Variants in DYRK4 observed in about 807,000 individuals in gnomAD.
The protein encoded by DYRK4 is dual specificity tyrosine phosphorylation regulated kinase 4.
In DYRK4, 64 loss-of-function variants were observed where a neutral mutation model predicts 68.3. The observed-to-expected ratio is 0.94, with a 90% CI of 0.77 to 1.15. The LOEUF (loss-of-function observed/expected upper bound fraction) is 1.15. Among genes scored for constraint, DYRK4 ranks in the 50% most tolerant of loss-of-function variants. The pLI is 0.00. For synonymous variants in DYRK4, 274 were observed against 289.9 expected (o/e 0.95, Z 0.56); for missense variants, 740 against 764.7 (o/e 0.97, Z 0.38).
chr12:4,603,345 ACC>A, intron 10 of DYRK4: 1 of 542,144 alleles, frequency 1.8e-6, no homozygotes, highest in Non-Finnish European at 3.3e-6. Flanking sequence ...TCATTAGTTA[ACC>A]CCTCCAGGTC....
chr12:4,569,161 C>A (rs1036147273), intron 2 of DYRK4, among the ~76,000 whole-genome samples: 17 of 152,184 alleles, frequency 1.1e-4, no homozygotes, highest in African/African-American at 4.1e-4. Context: ...AATACAAAGT[C>A]CTTTGCTCCA....
chr12:4,582,933 C>T (rs1386422532), intron 2 of DYRK4, among the ~76,000 whole-genome samples: 1 of 152,048 alleles, frequency 6.6e-6, no homozygotes. Context: ...ATCAGATGCT[C>T]ATGTTTAATT....
rs139849675 is a variant in DYRK4, at chr12:4,607,345, G to A, written c.1318G>A (p.Ala440Thr). The A allele has an allele frequency of 4.7e-5, 76 of 1,614,104 alleles. No individual in the cohort carries two copies. Among genetic ancestry groups the A allele is most frequent in the South Asian group, 1.3e-4 (12 of 91,084 alleles). Reference protein sequence around the residue: ...CIMEVLGLPPAGFIQTASRRQ... With the variant: ...CIMEVLGLPPTGFIQTASRRQ... ...TATTAAGGTGCTGGGTCTGCCGCCA[G>A]CCGGCTTCATTCAGACAGCCTCCAG... Residue 440 changes from alanine to threonine, a missense_variant, in exon 12 of 15, where the codon GCC (alanine) becomes ACC (threonine). By Grantham distance (58) the Ala-to-Thr change is moderately conservative (BLOSUM62 0). This residue lies in a region of DYRK4 where 614 missense variants were observed against 603.7 expected (regional missense o/e 1.02). Transcript: ENST00000543431.
Position 4,596,706 on chromosome 12 carries a change from C to T in DYRK4, c.882C>T (p.Phe294=). Reference sequence around the variant, plus strand: ...ACTTTTTCTACTTTCGCAATCACTTCTGCATCACCTTTGAGCTCCTGGGGT... The same window carrying T: ...ACTTTTTCTACTTTCGCAATCACTTTTGCATCACCTTTGAGCTCCTGGGGT... ...MKDFFYFRNH[F]CITFELLGIN... is the part of the protein sequence containing the mutation. The change falls in exon 8 of 15, where the codon TTC becomes TTT. Residue 294 remains phenylalanine (F), a synonymous_variant. Coordinates refer to ENST00000543431, the MANE Select transcript of DYRK4 (RefSeq NM_001394779.1). 1 of 1,614,182 alleles carries T rather than the reference C, an allele frequency of 6.2e-7. No individual in the cohort carries two copies. The highest frequency in any genetic ancestry group is 8.5e-7 in the Non-Finnish European group (1 of 1,180,040).
chr12:4,613,541 A>G lies in DYRK4; in HGVS notation c.1693A>G (p.Lys565Glu). Reference protein sequence around the residue: ...KDEITKETTEKTKDSPTKHVQ... With the variant: ...KDEITKETTEETKDSPTKHVQ... Reference sequence around the variant, plus strand: ...TGAGATCACCAAAGAGACTACAGAGAAAACAAAAGATAGCCCCACGAAGCA... The same window carrying G: ...TGAGATCACCAAAGAGACTACAGAGGAAACAAAAGATAGCCCCACGAAGCA... Residue 565 changes from lysine to glutamate, a missense_variant, in exon 15 of 15, where the codon AAA becomes GAA. This residue lies in a region of DYRK4 where 614 missense variants were observed against 603.7 expected (regional missense o/e 1.02). Transcript: ENST00000543431. The surrounding 1 kb of genome is among the most constrained non-coding windows in gnomAD (Gnocchi z 4.0). The G allele has an allele frequency of 6.2e-7, 1 of 1,613,856 alleles. No individual in the cohort carries two copies. The highest frequency in any genetic ancestry group is 8.5e-7 in the Non-Finnish European group (1 of 1,179,748).
chr12:4,590,940 G>C lies in DYRK4; in HGVS notation c.325-220G>C, dbSNP rs1289597770. The C allele has an allele frequency of 5.7e-6, 3 of 526,038 alleles. No homozygotes were observed. In the Admixed American group the frequency reaches 1.0e-4, roughly 18 times the overall value. The allele number at this position is 526,038 out of a possible 1,614,324, so 32.6% of individuals were successfully genotyped here. ...GTTGCTGGGGTTGTCAGCAGCATACGGTAAGGTACAGGGGTCTCCCCAGGA... is the reference window on the plus strand; with the variant it reads ...GTTGCTGGGGTTGTCAGCAGCATACCGTAAGGTACAGGGGTCTCCCCAGGA... On this transcript the variant is annotated intron_variant, in intron 4 of 14. Coordinates refer to ENST00000543431, the MANE Select transcript of DYRK4 (RefSeq NM_001394779.1).
At chr12:4,601,876 TTGTGTGTG>T (rs58259135) in intron 10 of DYRK4, 3,665 of 157,548 alleles carry the variant, frequency 0.023, 151 homozygotes, top group African/African-American at 0.083. Context: ...TCTGTAGGGT[TTGTGTGTG>T]TGTGTGTGTG....
At chr12:4,564,883 A>G (rs1944661277) in intron 1 of DYRK4, among the ~76,000 whole-genome samples, 3 of 152,252 alleles carry the variant, frequency 2.0e-5, no homozygotes, top group Non-Finnish European at 4.4e-5. Flanking sequence ...TATGAGACAA[A>G]AAATATATGC....
intron 2 of DYRK4, among the ~76,000 whole-genome samples, chr12:4,574,041 C>T (rs895404963): frequency 6.6e-5 from 10 of 151,950 alleles, no homozygotes; most frequent in South Asian, 2.1e-4. Flanking sequence ...CTGGCTAACA[C>T]GGTGAAACCG....
In DYRK4 at chr12:4,613,373, A is replaced by G. The variant is rs1945250450; in HGVS notation, c.1667-142A>G. On this transcript the variant is annotated intron_variant, in intron 14 of 14. Transcript: ENST00000543431. This position sits in a 1 kb window ranked among gnomAD's most constrained non-coding sequence, Gnocchi z 4.0. Reference sequence around the variant, plus strand: ...TACAGTGCTTAGAATAATGCCCGGCACATTGGAGGTGCTTTACAAATGAAC... The same window carrying G: ...TACAGTGCTTAGAATAATGCCCGGCGCATTGGAGGTGCTTTACAAATGAAC... The G allele has an allele frequency of 9.4e-7, 1 of 1,063,068 alleles. No homozygotes were observed. Among genetic ancestry groups the G allele is most frequent in the Non-Finnish European group, 1.3e-6 (1 of 750,160 alleles). The allele number at this position is 1,063,068 out of a possible 1,614,324, so 65.9% of individuals were successfully genotyped here. A position where few individuals can be genotyped will look rare whatever the true frequency, so the allele number is the denominator to read the frequency against.
At chr12:4,581,619 C>T (rs987785808) in intron 2 of DYRK4, among the ~76,000 whole-genome samples, 12 of 152,128 alleles carry the variant, frequency 7.9e-5, no homozygotes, top group African/African-American at 2.9e-4. Context: ...TAGAACAGGG[C>T]AAGGATGGAC....
intron 12 of DYRK4, 88 bp from the exon 13 acceptor site, chr12:4,610,067 A>G: frequency 8.2e-7 from 1 of 1,217,824 alleles, no homozygotes; most frequent in Non-Finnish European, 1.1e-6. Flanking sequence ...AGAGCAAAAG[A>G]GCTACAGAGG....
chr12:4,582,535 A>C (rs1264523672), intron 2 of DYRK4, among the ~76,000 whole-genome samples: 1 of 152,200 alleles, frequency 6.6e-6, no homozygotes, highest in Non-Finnish European at 1.5e-5. Flanking sequence ...ACCTTGTCTA[A>C]CAAGCCTTTG....
At chr12:4,583,673 G>T (rs1403131586) in intron 2 of DYRK4, among the ~76,000 whole-genome samples, 1 of 152,086 alleles carries the variant, frequency 6.6e-6, no homozygotes, top group African/African-American at 2.4e-5. Flanking sequence ...GGGATTACAG[G>T]TGTCAGCCAC....
At chr12:4,570,810 C>T (rs1195231198) in intron 2 of DYRK4, among the ~76,000 whole-genome samples, 1 of 152,134 alleles carries the variant, frequency 6.6e-6, no homozygotes, top group Non-Finnish European at 1.5e-5. Flanking sequence ...TGTGATTTCA[C>T]TGGGCTTTAA....
intron 5 of DYRK4, among the ~76,000 whole-genome samples, chr12:4,592,057 A>C (rs1044297361): frequency 6.6e-6 from 1 of 152,226 alleles, no homozygotes; most frequent in Admixed American, 6.5e-5. Context: ...TGCCATCATC[A>C]GACACTTTAC....
At chr12:4,569,031 T>G (rs1262410129) in intron 2 of DYRK4, among the ~76,000 whole-genome samples, 1 of 152,164 alleles carries the variant, frequency 6.6e-6, no homozygotes, top group Non-Finnish European at 1.5e-5. Context: ...AAAATCGTCC[T>G]CCTATAAATC....
intron 13 of DYRK4, among the ~76,000 whole-genome samples, chr12:4,611,323 TGACA>T (rs1276088605): frequency 1.3e-5 from 2 of 152,084 alleles, no homozygotes; most frequent in African/African-American, 4.8e-5. Flanking sequence ...CCTTAACAAA[TGACA>T]GAAACCAACT....
At chr12:4,597,140 G>T in intron 8 of DYRK4, 2 of 1,048,460 alleles carry the variant, frequency 1.9e-6, no homozygotes, top group Non-Finnish European at 2.3e-6. Context: ...AGTGGGAAAT[G>T]GGTTTTGATT....
Sources: gnomAD v4.1 joint callset for allele counts (sites outside exome capture counted in the v4.1 genomes callset) on GRCh38, gnomAD v4.1.1 for gene constraint, gnomAD v4.1.1 regional missense constraint, Gnocchi (gnomAD v3.1) non-coding constraint, MANE v1.5 for transcripts, NCBI Gene and HGNC (gene_info 2026-07-23, HGNC 2026-07-21) for gene names.